ATP2A3: variants seen among roughly 807,000 people sequenced by gnomAD.
The protein encoded by ATP2A3 is ATPase sarcoplasmic/endoplasmic reticulum Ca2+ transporting 3, also known as sarcoplasmic/endoplasmic reticulum calcium ATPase 3.
ATP2A3 carries 61 observed loss-of-function variants against 106.8 expected under a neutral mutation model. The observed-to-expected ratio is 0.57, with a 90% CI of 0.46 to 0.71. The LOEUF is 0.71. Ranked by LOEUF, ATP2A3 falls within the 30% of genes least tolerant of loss-of-function variation. The probability of loss-of-function intolerance (pLI) is 0.00; values close to 1 mark genes in which losing one functional copy is unlikely to be tolerated. For missense variants in ATP2A3, 1,201 were observed against 1,423.5 expected (o/e 0.84, Z 2.52); for synonymous variants, 611 against 609.3 (o/e 1.00, Z -0.04).
chr17:3,938,166 GC>G (rs1328716335), intron 14 of ATP2A3, among the ~76,000 whole-genome samples: 1 of 152,214 alleles, frequency 6.6e-6, no homozygotes, highest in African/African-American at 2.4e-5. Flanking sequence ...AGGAGCGGTG[GC>G]TCACGCCTGT....
chr17:3,924,951 G>C lies in ATP2A3; in HGVS notation c.*471C>G. On this transcript the variant is annotated 3_prime_UTR_variant, in exon 21 of 21. Transcript: ENST00000397041. The surrounding 1 kb of genome is among the most constrained non-coding windows in gnomAD (Gnocchi z 6.4). ...CCAGGGCTGACCCAGTCCCAGACCA[G>C]GCACGAAGAGAGAGGTCAGAGCCGG... The C allele has an allele frequency of 2.4e-6, 1 of 412,430 alleles. No homozygotes were observed. The highest frequency in any genetic ancestry group is 1.8e-5 in the South Asian group (1 of 56,806). The allele number at this position is 412,430 out of a possible 1,614,324, so 25.5% of individuals were successfully genotyped here.
At chr17:3,941,407 C>G in intron 13 of ATP2A3, 29 bp downstream of exon 13, 1 of 1,612,866 alleles carries the variant, frequency 6.2e-7, no homozygotes, top group Non-Finnish European at 8.5e-7. Context: ...CCACCTCGTA[C>G]TGCAGGGAGA....
At chr17:3,952,981 G>A (rs2054539916) in intron 3 of ATP2A3, among the ~76,000 whole-genome samples, 1 of 152,136 alleles carries the variant, frequency 6.6e-6, no homozygotes, top group Non-Finnish European at 1.5e-5. Context: ...ATCCTACAGT[G>A]GAAAGCCCCC....
Position 3,928,864 on chromosome 17 carries a change from G to A in ATP2A3, c.2863-84C>T. 1.9e-6 allele frequency: 2 copies of A among 1,072,490 alleles called. No homozygotes were observed. The highest frequency in any genetic ancestry group is 2.8e-6 in the Non-Finnish European group (2 of 723,714). 66.4% of individuals were successfully genotyped at this position (1,072,490 alleles called of 1,614,324 possible). A position where few individuals can be genotyped will look rare whatever the true frequency, so the allele number is the denominator to read the frequency against. ...GCCATCTGCTGGCCTTATCCACCTG[G>A]GCTCTGATGGACTCTTCATGAGCGC... On this transcript the variant is annotated intron_variant, in intron 19 of 20. Transcript: ENST00000397041. The surrounding 1 kb of genome is among the most constrained non-coding windows in gnomAD (Gnocchi z 6.1).
chr17:3,953,321 A>AG lies in ATP2A3; in HGVS notation c.219+25dup. Reference sequence around the variant, plus strand: ...TCCCTCCAGGGCTACCGACTACCACAGGATGGCTGGCAGGGCCCTACTTAC... The same window carrying AG: ...TCCCTCCAGGGCTACCGACTACCACAGGGATGGCTGGCAGGGCCCTACTTAC... On this transcript the variant is annotated intron_variant, in intron 3 of 20. Transcript: ENST00000397041. The surrounding 1 kb of genome is among the most constrained non-coding windows in gnomAD (Gnocchi z 5.1). 3 of 1,611,572 alleles carry AG rather than the reference A, an allele frequency of 1.9e-6. No homozygotes were observed. The highest frequency in any genetic ancestry group is 2.5e-6 in the Non-Finnish European group (3 of 1,178,098).
chr17:3,943,600 C>A (rs1428810240), intron 10 of ATP2A3, 78 bp from the exon 11 acceptor site: 9 of 1,600,802 alleles, frequency 5.6e-6, no homozygotes, highest in Middle Eastern at 1.7e-4. Context: ...CACTCCTTGC[C>A]CCTGCAGCTG....
At chr17:3,952,063 G>A (rs1402951027) in intron 3 of ATP2A3, among the ~76,000 whole-genome samples, 2 of 152,176 alleles carry the variant, frequency 1.3e-5, no homozygotes, top group Non-Finnish European at 2.9e-5. Context: ...CTGGGGTGGG[G>A]CCCAGTCACC....
rs771991331 is a variant in ATP2A3, at chr17:3,925,260, C to T, written c.*162G>A. The T allele has an allele frequency of 4.6e-5, 54 of 1,186,386 alleles. No individual in the cohort carries two copies. The highest frequency in any genetic ancestry group is 5.3e-5 in the Non-Finnish European group (44 of 827,514). The allele number at this position is 1,186,386 out of a possible 1,614,324, so 73.5% of individuals were successfully genotyped here. On this transcript the variant is annotated 3_prime_UTR_variant, in exon 21 of 21. Coordinates refer to ENST00000397041, the MANE Select transcript of ATP2A3 (RefSeq NM_005173.4). The surrounding 1 kb of genome is among the most constrained non-coding windows in gnomAD (Gnocchi z 4.2). ...GGAAGTGGGGACAGAGACCCCAGGACGGGGCCCGGGGATGGCCATTCTGAC... is the reference window on the plus strand; with the variant it reads ...GGAAGTGGGGACAGAGACCCCAGGATGGGGCCCGGGGATGGCCATTCTGAC...
chr17:3,950,483 G>T (rs374252056), intron 7 of ATP2A3, 28 bp downstream of exon 7: 3 of 1,603,626 alleles, frequency 1.9e-6, no homozygotes, highest in African/African-American at 2.7e-5. Flanking sequence ...ATCATTGTCT[G>T]GGCAAAGGCC....
Position 3,929,542 on chromosome 17 carries a change from T to G in ATP2A3, c.2745-97A>C. The G allele has an allele frequency of 9.4e-7, 1 of 1,065,742 alleles. No individual in the cohort carries two copies. Among genetic ancestry groups the G allele is most frequent in the Non-Finnish European group, 1.4e-6 (1 of 723,514 alleles). 66.0% of individuals were successfully genotyped at this position (1,065,742 alleles called of 1,614,324 possible). On this transcript the variant is annotated intron_variant, in intron 18 of 20. Coordinates refer to ENST00000397041, the MANE Select transcript of ATP2A3 (RefSeq NM_005173.4). This position sits in a 1 kb window ranked among gnomAD's most constrained non-coding sequence, Gnocchi z 4.3. ...AGGAGCCTCACCACTTCTCTAGCGG[T>G]GCATTGCTGTTGCCCGCTCGGCCTG... is the stretch of plus-strand genomic sequence containing the variant.
chr17:3,930,648 C>T lies in ATP2A3; in HGVS notation c.2611-214G>A, dbSNP rs889772080. The T allele has an allele frequency of 1.2e-5, 8 of 655,514 alleles. No homozygotes were observed. Among genetic ancestry groups the T allele is most frequent in the East Asian group, 8.4e-5 (3 of 35,846 alleles). 40.6% of individuals were successfully genotyped at this position (655,514 alleles called of 1,614,324 possible). A position where few individuals can be genotyped will look rare whatever the true frequency, so the allele number is the denominator to read the frequency against. ...GTGCCAGGGAGAAGCAAGGGCACAGCGTGGGAAAGGCAGACGTTCTGGAGC... is the reference window on the plus strand; with the variant it reads ...GTGCCAGGGAGAAGCAAGGGCACAGTGTGGGAAAGGCAGACGTTCTGGAGC... On this transcript the variant is annotated intron_variant, in intron 17 of 20. Coordinates refer to ENST00000397041, the MANE Select transcript of ATP2A3 (RefSeq NM_005173.4). This position sits in a 1 kb window ranked among gnomAD's most constrained non-coding sequence, Gnocchi z 5.4.
At position 3,947,589 on chromosome 17, in the gene ATP2A3, G is replaced by A. The variant is rs41283387; in HGVS notation, c.897C>T (p.Ala299=). The change falls in exon 8 of 21, where the codon GCC becomes GCT. Residue 299 remains alanine, a synonymous_variant. Transcript: ENST00000397041. This position sits in a 1 kb window ranked among gnomAD's most constrained non-coding sequence, Gnocchi z 7.7. ...LRGAVYYFKI[A]VALAVAAIPE... is the part of the protein sequence containing the mutation. ...GGATGGCCGCCACCGCCAGGGCCAC[G>A]GCGATCTTGAAGTAGTAGACAGCGC... 1.2e-3 allele frequency: 1,910 copies of A among 1,612,694 alleles called. No homozygotes were observed. The highest frequency in any genetic ancestry group is 4.8e-3 in the Middle Eastern group (29 of 6,060).
Position 3,936,719 on chromosome 17 carries a change from AGT to A in ATP2A3, c.2322-252_2322-251del. 1 of 506,798 alleles carries A rather than the reference AGT, an allele frequency of 2.0e-6. No homozygotes were observed. Among genetic ancestry groups the A allele is most frequent in the Non-Finnish European group, 3.5e-6 (1 of 284,086 alleles). 31.4% of individuals were successfully genotyped at this position (506,798 alleles called of 1,614,324 possible). A position where few individuals can be genotyped will look rare whatever the true frequency, so the allele number is the denominator to read the frequency against. On this transcript the variant is annotated intron_variant, in intron 15 of 20. Transcript: ENST00000397041. This position sits in a 1 kb window ranked among gnomAD's most constrained non-coding sequence, Gnocchi z 5.4. ...TGCTCTTTAGGCCTAGCAGAGGCCAAGTACACACACACACACACACACACACA... is the reference window on the plus strand; with the variant it reads ...TGCTCTTTAGGCCTAGCAGAGGCCAAACACACACACACACACACACACACA...
At chr17:3,954,190 G>T (rs898795428) in intron 1 of ATP2A3, among the ~76,000 whole-genome samples, 4 of 152,068 alleles carry the variant, frequency 2.6e-5, no homozygotes, top group African/African-American at 4.8e-5. Flanking sequence ...GAGAACACCA[G>T]CTCAGGCGCC....
chr17:3,941,774 G>A lies in ATP2A3; in HGVS notation c.1546-120C>T, dbSNP rs182113536. On this transcript the variant is annotated intron_variant, in intron 12 of 20. Transcript: ENST00000397041. ...GCAAAGGCCACCCAAGGGTACACAC[G>A]CAAGGCAGGGAGCAGAATCCATTCA... The A allele has an allele frequency of 8.0e-4, 803 of 1,009,034 alleles. 4 individuals are homozygous for A. In the African/African-American group the frequency reaches 0.011, roughly 14 times the overall value. The allele number at this position is 1,009,034 out of a possible 1,614,324, so 62.5% of individuals were successfully genotyped here.
chr17:3,948,727 G>A (rs1475397903), intron 7 of ATP2A3, among the ~76,000 whole-genome samples: 1 of 152,052 alleles, frequency 6.6e-6, no homozygotes, highest in Non-Finnish European at 1.5e-5. Context: ...CCCCTCCAAA[G>A]CTTCTTAGTG....
chr17:3,931,666 CG>C (rs1379003051), intron 17 of ATP2A3, among the ~76,000 whole-genome samples: 1 of 151,954 alleles, frequency 6.6e-6, no homozygotes, highest in African/African-American at 2.4e-5. Flanking sequence ...GGACTACAGG[CG>C]CCCGCCACCA....
At chr17:3,954,268 C>T (rs577157082) in intron 1 of ATP2A3, among the ~76,000 whole-genome samples, 33 of 152,152 alleles carry the variant, frequency 2.2e-4, no homozygotes, top group Admixed American at 1.6e-3. Context: ...GCAGCTGGGC[C>T]GGCCTGCTGG....
At chr17:3,934,556 C>T (rs1035311368) in intron 17 of ATP2A3, among the ~76,000 whole-genome samples, 2 of 137,132 alleles carry the variant, frequency 1.5e-5, no homozygotes, top group Non-Finnish European at 3.0e-5. Flanking sequence ...TGGAGTCTTG[C>T]TCTGTCACCC....
Sources: gnomAD v4.1 joint callset for allele counts (sites outside exome capture counted in the v4.1 genomes callset) on GRCh38, gnomAD v4.1.1 for gene constraint, Gnocchi (gnomAD v3.1) non-coding constraint, MANE v1.5 for transcripts, NCBI Gene and HGNC (gene_info 2026-07-23, HGNC 2026-07-21) for gene names.